Variants in U2SURP observed in about 807,000 individuals in gnomAD.
U2SURP encodes the protein U2 snRNP-associated SURP motif-containing protein.
In U2SURP, 9 loss-of-function variants were observed where a neutral mutation model predicts 144.9. The ratio of observed to expected loss-of-function variants is 0.06; its 90% CI spans 0.04 to 0.11. The LOEUF (loss-of-function observed/expected upper bound fraction) is 0.11. U2SURP is among the 10% of genes least tolerant of loss of function. U2SURP has a pLI of 1.00. For missense variants in U2SURP, 724 were observed against 1,226.7 expected (o/e 0.59, Z 6.12); for synonymous variants, 408 against 396.8 (o/e 1.03, Z -0.33).
chr3:143,050,103 G>A (rs1463690824), intron 24 of U2SURP, among the ~76,000 whole-genome samples: 1 of 151,802 alleles, frequency 6.6e-6, no homozygotes, highest in Non-Finnish European at 1.5e-5. Flanking sequence ...ACGGAGTTTT[G>A]CTGTTGTTTC....
intron 1 of U2SURP, among the ~76,000 whole-genome samples, chr3:143,004,360 T>G (rs1398708125): frequency 3.3e-5 from 2 of 60,970 alleles, no homozygotes; most frequent in Non-Finnish European, 5.5e-5. Flanking sequence ...GGTGTTTTTT[T>G]TTTTTTTTTT....
intron 13 of U2SURP, among the ~76,000 whole-genome samples, chr3:143,025,510 T>C (rs1371971387): frequency 6.6e-6 from 1 of 152,176 alleles, no homozygotes; most frequent in Non-Finnish European, 1.5e-5. Flanking sequence ...AAAATTTCCC[T>C]TAGCTTTAAT....
At chr3:143,008,386 C>A (rs749716297) in intron 1 of U2SURP, among the ~76,000 whole-genome samples, 2 of 152,210 alleles carry the variant, frequency 1.3e-5, no homozygotes, top group Non-Finnish European at 2.9e-5. Context: ...GAAAGGGTAG[C>A]GCTTTCTTAG....
At chr3:143,028,981 G>A (rs1293736394) in intron 16 of U2SURP, among the ~76,000 whole-genome samples, 2 of 152,182 alleles carry the variant, frequency 1.3e-5, no homozygotes, top group Non-Finnish European at 2.9e-5. Context: ...ACATAAAGAA[G>A]AAAAACTATT....
At chr3:143,028,252 C>A in intron 14 of U2SURP, 88 bp from the exon 15 acceptor site, 1 of 1,396,316 alleles carries the variant, frequency 7.2e-7, no homozygotes, top group Non-Finnish European at 9.8e-7. Flanking sequence ...ACTAAATAGG[C>A]AAATAATATT....
intron 27 of U2SURP, 71 bp downstream of exon 27, chr3:143,055,190 A>T: frequency 1.5e-6 from 2 of 1,375,852 alleles, no homozygotes; most frequent in South Asian, 1.4e-5. Context: ...TTTTGAAAAT[A>T]ATTTGGTTGG....
intron 26 of U2SURP, 101 bp from the exon 27 acceptor site, chr3:143,054,840 TAA>T: frequency 8.2e-7 from 1 of 1,220,838 alleles, no homozygotes; most frequent in Non-Finnish European, 1.1e-6. Flanking sequence ...ATGGTTAGAA[TAA>T]AAGAGTAAGC....
At chr3:143,054,096 C>A (rs561789618) in intron 26 of U2SURP, among the ~76,000 whole-genome samples, 48 of 152,268 alleles carry the variant, frequency 3.2e-4, no homozygotes, top group South Asian at 2.7e-3. Context: ...AAACAACTTG[C>A]TAGATTTTCC....
At chr3:143,053,061 A>C (rs868290871) in intron 25 of U2SURP, among the ~76,000 whole-genome samples, 24 of 151,540 alleles carry the variant, frequency 1.6e-4, no homozygotes, top group African/African-American at 5.3e-4. Context: ...ACTTCGATGG[A>C]AGATTATTGT....
chr3:143,002,467 G>A (rs1280513897), intron 1 of U2SURP: 4 of 152,184 alleles, frequency 2.6e-5, no homozygotes, highest in African/African-American at 9.7e-5. Context: ...AGTACGGTTG[G>A]GTTCTTAGTT....
At chr3:143,014,743 G>A (rs1936280037) in intron 4 of U2SURP, among the ~76,000 whole-genome samples, 1 of 151,852 alleles carries the variant, frequency 6.6e-6, no homozygotes, top group South Asian at 2.1e-4. Flanking sequence ...TTTCCTACTT[G>A]CTTTTTTAAC....
At chr3:143,003,794 T>G (rs1935672315) in intron 1 of U2SURP, among the ~76,000 whole-genome samples, 1 of 144,790 alleles carries the variant, frequency 6.9e-6, no homozygotes, top group African/African-American at 2.5e-5. Flanking sequence ...CGGGTTCAAG[T>G]GATTCTCCTG....
chr3:143,052,400 A>AAAAT (rs1934924755), intron 25 of U2SURP, among the ~76,000 whole-genome samples: 1 of 151,888 alleles, frequency 6.6e-6, no homozygotes, highest in Admixed American at 6.6e-5. Flanking sequence ...CTGTCTAAAA[A>AAAAT]AATAATAATA....
chr3:143,002,958 C>T (rs1038635234), intron 1 of U2SURP, among the ~76,000 whole-genome samples: 3 of 152,164 alleles, frequency 2.0e-5, no homozygotes, highest in Non-Finnish European at 4.4e-5. Context: ...ACCAACTCTT[C>T]TCAACAGACT....
chr3:143,040,864 T>C (rs1560198246), intron 23 of U2SURP, among the ~76,000 whole-genome samples: 1 of 151,872 alleles, frequency 6.6e-6, no homozygotes, highest in Non-Finnish European at 1.5e-5. Context: ...CTAGACCCTT[T>C]CTGTGTGTAT....
intron 11 of U2SURP, 67 bp from the exon 12 acceptor site, chr3:143,022,786 C>T (rs1932913779): frequency 2.7e-6 from 4 of 1,462,514 alleles, no homozygotes; most frequent in Admixed American, 2.7e-5. Context: ...TATTTCAACT[C>T]ACCAGAAAAA....
chr3:143,050,324 C>T (rs1337221873), intron 24 of U2SURP, among the ~76,000 whole-genome samples: 4 of 152,190 alleles, frequency 2.6e-5, no homozygotes, highest in Admixed American at 2.0e-4. Flanking sequence ...CCGCCCACCT[C>T]GGCCTCCCAA....
At chr3:143,032,705 A>C (rs955334595) in intron 16 of U2SURP, 79 bp from the exon 17 acceptor site, 1 of 1,304,886 alleles carries the variant, frequency 7.7e-7, no homozygotes, top group African/African-American at 1.5e-5. Flanking sequence ...GTTTTAAAGA[A>C]ATTAGTTTGT....
At chr3:143,008,400 T>G in intron 1 of U2SURP, among the ~76,000 whole-genome samples, 1 of 152,266 alleles carries the variant, frequency 6.6e-6, no homozygotes, top group East Asian at 1.9e-4. Context: ...TTCTTAGTTA[T>G]TCTTTTGGAT....
Sources: allele counts gnomAD v4.1 joint callset (sites outside exome capture counted in the v4.1 genomes callset), GRCh38; gene constraint gnomAD v4.1.1; transcripts MANE v1.5; gene names NCBI Gene and HGNC (gene_info 2026-07-23, HGNC 2026-07-21).